The following KIF6 variants were observed in gnomAD, a reference collection of about 807,000 sequenced individuals.
The protein encoded by KIF6 is kinesin-like protein KIF6.
Under a neutral mutation model 112.7 loss-of-function variants are expected in KIF6, and 106 were observed. The observed-to-expected ratio is 0.94, with a 90% confidence interval of 0.80 to 1.11. KIF6 has a LOEUF of 1.11. Ranked by LOEUF, KIF6 falls within the 50% of genes least tolerant of loss-of-function variation. The pLI is 0.00. For synonymous variants in KIF6, 339 were observed against 339.9 expected (o/e 1.00, Z 0.03); for missense variants, 929 against 964.0 (o/e 0.96, Z 0.48).
chr6:39,721,391 C>T (rs1790208122), intron 1 of KIF6, among the ~76,000 whole-genome samples: 1 of 152,148 alleles, frequency 6.6e-6, no homozygotes, highest in African/African-American at 2.4e-5. Flanking sequence ...CAAGGTTCTC[C>T]TTCCAACTCA....
rs1337037787 is a variant in KIF6 at position 39,330,423 on chromosome 6, C to T, written c.*6109G>A. 1 of 152,254 alleles carries T rather than the reference C, an allele frequency of 6.6e-6. No homozygotes were observed. Among genetic ancestry groups the T allele is most frequent in the African/African-American group, 2.4e-5 (1 of 41,448 alleles). 9.4% of individuals were successfully genotyped at this position (152,254 alleles called of 1,614,324 possible). A position where few individuals can be genotyped will look rare whatever the true frequency, so the allele number is the denominator to read the frequency against. On this transcript the variant is annotated 3_prime_UTR_variant, in exon 23 of 23. Coordinates refer to ENST00000287152, the MANE Select transcript of KIF6 (RefSeq NM_145027.6). ...AAGCATGTCAAAGCACAGGTTACCC[C>T]CAAAACATGGGGCTGAAGGCATGGG...
intron 4 of KIF6, 28 bp downstream of exon 4, chr6:39,639,582 A>G: frequency 2.0e-6 from 3 of 1,522,356 alleles, no homozygotes; most frequent in Non-Finnish European, 2.6e-6. Flanking sequence ...TATCAAATAC[A>G]AAATGATATG....
intron 14 of KIF6, among the ~76,000 whole-genome samples, chr6:39,429,736 G>A (rs886282404): frequency 3.4e-4 from 51 of 152,132 alleles, no homozygotes; most frequent in Admixed American, 2.0e-3. Context: ...GTGAAACCCC[G>A]TCTCTACTAA....
At chr6:39,666,668 T>C (rs911504283) in intron 3 of KIF6, among the ~76,000 whole-genome samples, 27 of 152,192 alleles carry the variant, frequency 1.8e-4, no homozygotes, top group African/African-American at 6.0e-4. Flanking sequence ...TCTCGAATTC[T>C]TTTTACTCTC....
At chr6:39,385,512 AC>A in intron 16 of KIF6, 109 bp downstream of exon 16, 3 of 880,042 alleles carry the variant, frequency 3.4e-6, no homozygotes, top group Non-Finnish European at 5.7e-6. Flanking sequence ...GCCATCCTTA[AC>A]CTCAGAGAGG....
chr6:39,562,710 A>T (rs573229930), intron 10 of KIF6, among the ~76,000 whole-genome samples: 1 of 152,334 alleles, frequency 6.6e-6, no homozygotes, highest in South Asian at 2.1e-4. Flanking sequence ...ATATTAGACT[A>T]CATATATAAA....
intron 13 of KIF6, among the ~76,000 whole-genome samples, chr6:39,492,572 T>C (rs1308871378): frequency 1.3e-5 from 2 of 152,146 alleles, no homozygotes; most frequent in African/African-American, 2.4e-5. Flanking sequence ...TGGAGCTGAG[T>C]TCCAGTGAAG....
intron 6 of KIF6, among the ~76,000 whole-genome samples, chr6:39,611,999 T>C (rs1783239358): frequency 6.6e-6 from 1 of 152,176 alleles, no homozygotes; most frequent in Non-Finnish European, 1.5e-5. Flanking sequence ...TAAATCCATA[T>C]ATATGGCACA....
In KIF6 at chr6:39,634,900, C is replaced by A; in HGVS notation, c.458G>T (p.Gly153Val). The A allele has an allele frequency of 6.2e-7, 1 of 1,612,728 alleles. No individual in the cohort carries two copies. Among genetic ancestry groups the A allele is most frequent in the Non-Finnish European group, 8.5e-7 (1 of 1,179,046 alleles). ...ISYLEIYNEC[G>V]YDLLDPRHEA... Reference sequence around the variant, plus strand: ...ATGTCTTGGATCCAAAAGATCATAACCACATTCATTGTAGATTTCCAAATA... The same window carrying A: ...ATGTCTTGGATCCAAAAGATCATAAACACATTCATTGTAGATTTCCAAATA... Residue 153 changes from glycine to valine, a missense_variant, in exon 5 of 23, where the codon GGT becomes GTT. Physicochemically the swap from Gly to Val is moderately radical, Grantham distance 109 (BLOSUM62 -3). Transcript: ENST00000287152.
chr6:39,498,065 G>A (rs1775891505), intron 13 of KIF6, among the ~76,000 whole-genome samples: 1 of 152,006 alleles, frequency 6.6e-6, no homozygotes, highest in South Asian at 2.1e-4. Context: ...CCTGTAGTGG[G>A]GCCCATGTTC....
At position 39,673,295 on chromosome 6, in the gene KIF6, A is replaced by C. The variant is rs138794239; in HGVS notation, c.252-33538T>G. Among the ~76,000 whole-genome samples the C allele has an allele frequency of 5.0e-4, 76 of 152,298 alleles. 1 individual carries two copies. The East Asian group carries it at 9.0e-3, about 18-fold the overall frequency. ...CTTCTATAATGGAAGCAGGCCCTACATCCTACCAAGTCTCATATAATACAG... is the reference window on the plus strand; with the variant it reads ...CTTCTATAATGGAAGCAGGCCCTACCTCCTACCAAGTCTCATATAATACAG... On this transcript the variant is annotated intron_variant, in intron 3 of 22. Coordinates refer to ENST00000287152, the MANE Select transcript of KIF6 (RefSeq NM_145027.6).
intron 3 of KIF6, among the ~76,000 whole-genome samples, chr6:39,674,798 G>A (rs1256297418): frequency 1.3e-5 from 2 of 148,948 alleles, no homozygotes; most frequent in East Asian, 2.0e-4. Context: ...GGGCTGGGAG[G>A]TAAAACTAAC....
At chr6:39,506,922 G>A (rs1381070025) in intron 13 of KIF6, among the ~76,000 whole-genome samples, 1 of 152,124 alleles carries the variant, frequency 6.6e-6, no homozygotes, top group Non-Finnish European at 1.5e-5. Flanking sequence ...GTGTGCAGAG[G>A]GAGGGCCTGG....
rs1237444900 is a variant in KIF6 at position 39,335,641 on chromosome 6, G to T, written c.*891C>A. ...GGGTTGGAACCCCCTGGCCCAGGGG[G>T]CAGTTCTTCAAGAACCTCCTTGAGG... is the stretch of plus-strand genomic sequence containing the variant. On this transcript the variant is annotated 3_prime_UTR_variant, in exon 23 of 23. Transcript: ENST00000287152. 6.6e-6 allele frequency: 1 copy of T among 152,062 alleles called. No individual in the cohort carries two copies. Among genetic ancestry groups the T allele is most frequent in the East Asian group, 1.9e-4 (1 of 5,166 alleles). The allele number at this position is 152,062 out of a possible 1,614,324, so 9.4% of individuals were successfully genotyped here. A position where few individuals can be genotyped will look rare whatever the true frequency, so the allele number is the denominator to read the frequency against.
rs1408789971 is a variant in KIF6, at chr6:39,332,217, G to A, written c.*4315C>T. On this transcript the variant is annotated 3_prime_UTR_variant, in exon 23 of 23. Transcript: ENST00000287152. ...CTGCCTCGGCCTCCCAAAGTGCTGG[G>A]ATTATAGGAGTGAGCCACCACACCC... 1 of 152,144 alleles carries A rather than the reference G, an allele frequency of 6.6e-6. No individual in the cohort carries two copies. The highest frequency in any genetic ancestry group is 1.5e-5 in the Non-Finnish European group (1 of 68,038). 9.4% of individuals were successfully genotyped at this position (152,144 alleles called of 1,614,324 possible).
rs534295950 is a variant in KIF6, at chr6:39,450,857, T to C, written c.1646-19696A>G. 4.7e-4 allele frequency among the ~76,000 whole-genome samples: 72 copies of C among 152,340 alleles called. No individual in the cohort carries two copies. The South Asian group carries it at 0.015, about 31-fold the overall frequency. On this transcript the variant is annotated intron_variant, in intron 13 of 22. Transcript: ENST00000287152. The stretch of plus-strand genomic sequence containing the variant: ...AAAAATCACTCACAATCTCTCTACT[T>C]TCCTTCCAGTTTTTCTATGCTTTGT...
chr6:39,716,265 T>G (rs1789842788), intron 2 of KIF6, among the ~76,000 whole-genome samples: 1 of 39,896 alleles, frequency 2.5e-5, no homozygotes, highest in Admixed American at 2.8e-4. Flanking sequence ...ACCAGTCACT[T>G]CTAACAAGAT....
At chr6:39,479,608 G>A (rs1774671098) in intron 13 of KIF6, among the ~76,000 whole-genome samples, 2 of 151,804 alleles carry the variant, frequency 1.3e-5, no homozygotes, top group Admixed American at 1.3e-4. Flanking sequence ...ATTAATTTTA[G>A]GATTATTTTT....
At chr6:39,535,378 C>A (rs1176674019) in intron 13 of KIF6, among the ~76,000 whole-genome samples, 3 of 151,680 alleles carry the variant, frequency 2.0e-5, no homozygotes, top group South Asian at 2.1e-4. Flanking sequence ...ATCTACCAAG[C>A]AAATGGAAAA....
Sources: gnomAD v4.1 joint callset for allele counts (sites outside exome capture counted in the v4.1 genomes callset) on GRCh38, gnomAD v4.1.1 for gene constraint, MANE v1.5 for transcripts, NCBI Gene and HGNC (gene_info 2026-07-23, HGNC 2026-07-21) for gene names.